The following MAP3K15 variants were observed in gnomAD, a reference collection of about 807,000 sequenced individuals.
MAP3K15 encodes the protein mitogen-activated protein kinase kinase kinase 15.
MAP3K15 carries 124 observed loss-of-function variants against 99.5 expected under a neutral mutation model. The observed-to-expected ratio is 1.25, with a 90% CI of 1.08 to 1.45. The LOEUF is 1.45. Ranked by LOEUF, MAP3K15 falls within the 40% of genes most tolerant of loss-of-function variation. The pLI, the probability that MAP3K15 is intolerant of heterozygous loss-of-function variation, is 0.00. For missense variants in MAP3K15, 1,242 were observed against 1,079.7 expected (o/e 1.15, Z -2.11); for synonymous variants, 494 against 439.6 (o/e 1.12, Z -1.55).
intron 3 of MAP3K15, chrX:19,481,773 A>G (rs2064291552): frequency 8.9e-6 from 1 of 112,019 alleles, no homozygotes; most frequent in Admixed American, 9.5e-5. Context: ...AAGACAGATG[A>G]TATCAAGTAT....
intron 6 of MAP3K15, among the ~76,000 whole-genome samples, 164 bp from the exon 7 acceptor site, chrX:19,431,772 C>T (rs1272782166): frequency 6.3e-5 from 7 of 110,850 alleles, no homozygotes; most frequent in Non-Finnish European, 1.3e-4. Flanking sequence ...ATGGTGAAAA[C>T]CTGTCTCTAC....
At chrX:19,391,911 G>T (rs915336274) in intron 18 of MAP3K15, 91 bp downstream of exon 18, 25 of 568,488 alleles carry the variant, frequency 4.4e-5, no homozygotes, top group Admixed American at 2.5e-4. Flanking sequence ...CTCAGAAAAG[G>T]TGCTCACTAA....
chrX:19,385,314 C>A (rs990229771), intron 18 of MAP3K15, among the ~76,000 whole-genome samples: 1 of 111,339 alleles, frequency 9.0e-6, no homozygotes, highest in African/African-American at 3.3e-5. Context: ...TACATGGGAT[C>A]CTCCATAGGA....
rs919633508 is a variant in MAP3K15 at position 19,360,070 on chromosome X, ATATT to A, written c.*675_*678del. The A allele has an allele frequency of 5.9e-5, 11 of 187,336 alleles. No homozygotes were observed. Among genetic ancestry groups the A allele is most frequent in the African/African-American group, 2.1e-4 (7 of 32,833 alleles). The allele number at this position is 187,336 out of a possible 1,213,427, so 15.4% of individuals were successfully genotyped here. ...GCTGACCATTTCTCTACAAGATACA[ATATT>A]TATTATCAGGCAAGAGGACAGTTCC... On this transcript the variant is annotated 3_prime_UTR_variant, in exon 29 of 29. Coordinates refer to ENST00000338883, the MANE Select transcript of MAP3K15 (RefSeq NM_001001671.4).
At chrX:19,375,873 G>A (rs1194846711) in intron 19 of MAP3K15, among the ~76,000 whole-genome samples, 2 of 112,292 alleles carry the variant, frequency 1.8e-5, no homozygotes, top group Admixed American at 9.4e-5. Flanking sequence ...TTACGGATTC[G>A]AAGAACACTA....
chrX:19,433,566 G>T (rs2063899712), intron 6 of MAP3K15, among the ~76,000 whole-genome samples: 1 of 110,756 alleles, frequency 9.0e-6, no homozygotes, highest in African/African-American at 3.3e-5. Flanking sequence ...TGGTTCTCCA[G>T]CTTGCATGGG....
chrX:19,490,223 T>C (rs1650732025), intron 1 of MAP3K15, among the ~76,000 whole-genome samples: 1 of 110,060 alleles, frequency 9.1e-6, no homozygotes, highest in Non-Finnish European at 1.9e-5. Context: ...TTGCTCAGTT[T>C]TGCATGTCTT....
intron 18 of MAP3K15, among the ~76,000 whole-genome samples, chrX:19,382,691 C>T (rs2063467191): frequency 9.0e-6 from 1 of 111,721 alleles, no homozygotes; most frequent in South Asian, 3.7e-4. Flanking sequence ...CAGCGCATTA[C>T]ACTTGATGCC....
chrX:19,362,959 A>G, intron 25 of MAP3K15, 109 bp from the exon 26 acceptor site: 2 of 460,541 alleles, frequency 4.3e-6, no homozygotes, highest in Non-Finnish European at 7.5e-6. Flanking sequence ...AAAAATGGAA[A>G]ATGGGACAAG....
chrX:19,450,854 G>A (rs1465573689), intron 6 of MAP3K15, among the ~76,000 whole-genome samples: 1 of 101,430 alleles, frequency 9.9e-6, no homozygotes, highest in African/African-American at 3.5e-5. Flanking sequence ...TATTGGCAAG[G>A]CCACTGCTCA....
intron 3 of MAP3K15, among the ~76,000 whole-genome samples, chrX:19,477,705 T>TA (rs748782922): frequency 2.1e-4 from 2 of 9,718 alleles, no homozygotes; most frequent in African/African-American, 1.5e-4. Context: ...GCAAGAGTGT[T>TA]AGAAAAAAAA....
chrX:19,395,241 C>A lies in MAP3K15; in HGVS notation c.2067-33G>T, dbSNP rs376747067. 6.7e-6 allele frequency: 8 copies of A among 1,193,305 alleles called. No homozygotes were observed. The Admixed American group carries it at 1.8e-4, about 26-fold the overall frequency. On this transcript the variant is annotated intron_variant, in intron 15 of 28. Coordinates refer to ENST00000338883, the MANE Select transcript of MAP3K15 (RefSeq NM_001001671.4). ...GAAAAACAGAGCCAGGGTCACCTGC[C>A]AAATCCCAGGGACTCTAGAACCACA...
At chrX:19,375,989 G>A (rs999474132) in intron 19 of MAP3K15, among the ~76,000 whole-genome samples, 2 of 112,329 alleles carry the variant, frequency 1.8e-5, no homozygotes. Flanking sequence ...ACTGTTCACA[G>A]GCACTAGGGG....
rs1281412486 is a variant in MAP3K15 at position 19,457,790 on chromosome X, G to A, written c.889-771C>T. The stretch of plus-strand genomic sequence containing the variant: ...GTTTCTCAACCTTGGGACTAGTGAC[G>A]TTTCTGGACCATAATTCTCTGTTGT... On this transcript the variant is annotated intron_variant, in intron 5 of 28. Transcript: ENST00000338883. Among the ~76,000 whole-genome samples, 7 of 111,460 alleles carry A rather than the reference G, an allele frequency of 6.3e-5. No individual in the cohort carries two copies. In the South Asian group the frequency reaches 1.5e-3, roughly 24 times the overall value.
At chrX:19,437,014 C>T (rs1167380086) in intron 6 of MAP3K15, among the ~76,000 whole-genome samples, 2 of 112,084 alleles carry the variant, frequency 1.8e-5, no homozygotes, top group Non-Finnish European at 3.8e-5. Flanking sequence ...CAAACCTGTT[C>T]TTCTACAGTC....
At chrX:19,473,005 A>T (rs1034850315) in intron 3 of MAP3K15, among the ~76,000 whole-genome samples, 2 of 112,338 alleles carry the variant, frequency 1.8e-5, no homozygotes, top group Non-Finnish European at 3.8e-5. Flanking sequence ...CTAGCAGCAG[A>T]AACTGATGAA....
chrX:19,422,472 A>T (rs1268206014), intron 9 of MAP3K15, among the ~76,000 whole-genome samples: 1 of 112,227 alleles, frequency 8.9e-6, no homozygotes, highest in African/African-American at 3.2e-5. Context: ...CCAAAACTAC[A>T]ATGAGATACC....
At chrX:19,425,073 CCAAA>C (rs1287183873) in intron 9 of MAP3K15, among the ~76,000 whole-genome samples, 1 of 111,592 alleles carries the variant, frequency 9.0e-6, no homozygotes, top group Non-Finnish European at 1.9e-5. Flanking sequence ...TTCCACATCT[CCAAA>C]CATTCTTTCC....
chrX:19,434,108 T>C (rs1387048442), intron 6 of MAP3K15, among the ~76,000 whole-genome samples: 1 of 112,624 alleles, frequency 8.9e-6, no homozygotes, highest in Admixed American at 9.4e-5. Context: ...TAAGGATACA[T>C]ATTAAAATGT....
Sources: allele counts gnomAD v4.1 joint callset (sites outside exome capture counted in the v4.1 genomes callset), GRCh38; gene constraint gnomAD v4.1.1; transcripts MANE v1.5; gene names NCBI Gene and HGNC (gene_info 2026-07-23, HGNC 2026-07-21).